FNBP1L: variants seen among roughly 807,000 people sequenced by gnomAD.
FNBP1L encodes formin binding protein 1 like.
FNBP1L carries 36 observed loss-of-function variants against 91.2 expected under a neutral mutation model. The ratio of observed to expected loss-of-function variants is 0.39; its 90% CI spans 0.30 to 0.52. The LOEUF is 0.52. FNBP1L is among the 20% of genes least tolerant of loss of function. The probability of loss-of-function intolerance (pLI) is 0.66; values close to 1 mark genes in which losing one functional copy is unlikely to be tolerated. For synonymous variants in FNBP1L, 242 were observed against 237.0 expected (o/e 1.02, Z -0.19); for missense variants, 571 against 732.1 (o/e 0.78, Z 2.54).
At chr1:93,451,481 C>T (rs1282450245) in intron 1 of FNBP1L, among the ~76,000 whole-genome samples, 2 of 151,980 alleles carry the variant, frequency 1.3e-5, no homozygotes, top group African/African-American at 4.8e-5. Flanking sequence ...ATTTGCTACC[C>T]AAGGAAAATG....
chr1:93,515,924 A>G lies in FNBP1L; in HGVS notation c.141-6158A>G, dbSNP rs188244496. Among the ~76,000 whole-genome samples the G allele has an allele frequency of 9.6e-4, 146 of 152,276 alleles. 1 individual carries two copies. The highest frequency in any genetic ancestry group is 1.2e-3 in the Admixed American group (18 of 15,304). On this transcript the variant is annotated intron_variant, in intron 2 of 16. Coordinates refer to ENST00000271234, the MANE Select transcript of FNBP1L (RefSeq NM_001164473.3). ...AAACTTAAGGTATAATAATAATAAT[A>G]AAAAGAGATTTTAAAAATTACCATA...
At position 93,544,233 on chromosome 1, in the gene FNBP1L, T is replaced by C; in HGVS notation, c.1274+17T>C. 1 of 1,556,760 alleles carries C rather than the reference T, an allele frequency of 6.4e-7. No homozygotes were observed. Among genetic ancestry groups the C allele is most frequent in the South Asian group, 1.1e-5 (1 of 87,046 alleles). The stretch of plus-strand genomic sequence containing the variant: ...AGACCAAAAGTATTATTCCTTTAAG[T>C]TTTCTCTATCATTATTATTTTAGGA... On this transcript the variant is annotated intron_variant, in intron 12 of 16. Transcript: ENST00000271234.
At chr1:93,499,728 T>G in intron 2 of FNBP1L, 145 bp downstream of exon 2, 1 of 586,520 alleles carries the variant, frequency 1.7e-6, no homozygotes, top group Admixed American at 3.3e-5. Context: ...TTTTAATGAT[T>G]AATTAAGTCA....
chr1:93,459,984 G>C (rs1344185357), intron 1 of FNBP1L, among the ~76,000 whole-genome samples: 1 of 87,434 alleles, frequency 1.1e-5, no homozygotes, highest in South Asian at 4.2e-4. Flanking sequence ...TGTGTTTTTG[G>C]GATATTGAAA....
chr1:93,502,380 A>G (rs963526396), intron 2 of FNBP1L, among the ~76,000 whole-genome samples: 6 of 151,876 alleles, frequency 4.0e-5, no homozygotes, highest in Non-Finnish European at 7.4e-5. Flanking sequence ...CACAAATTAT[A>G]AAATAAAAAT....
Position 93,484,539 on chromosome 1 carries a change from C to T in FNBP1L, c.25-14929C>T, listed in dbSNP as rs74725682. 2.1e-3 allele frequency among the ~76,000 whole-genome samples: 313 copies of T among 152,240 alleles called. 9 individuals carry two copies. In the East Asian group the frequency reaches 0.059, roughly 29 times the overall value. ...TAGTTCTGTTCTTGAATCCCCTGTT[C>T]GCTAATTATGTTCTCTGATGTCAGG... On this transcript the variant is annotated intron_variant, in intron 1 of 16. Transcript: ENST00000271234.
intron 7 of FNBP1L, among the ~76,000 whole-genome samples, chr1:93,531,170 G>C (rs1044720133): frequency 3.9e-5 from 6 of 152,158 alleles, no homozygotes; most frequent in Non-Finnish European, 8.8e-5. Flanking sequence ...AGAATTAATT[G>C]AATTTGTATA....
At chr1:93,448,975 C>G (rs1298679860) in intron 1 of FNBP1L, among the ~76,000 whole-genome samples, 1 of 152,216 alleles carries the variant, frequency 6.6e-6, no homozygotes, top group Non-Finnish European at 1.5e-5. Flanking sequence ...CCGGCTGCAG[C>G]CTTTGGGCTG....
chr1:93,518,335 G>A (rs1260252328), intron 2 of FNBP1L, among the ~76,000 whole-genome samples: 1 of 152,058 alleles, frequency 6.6e-6, no homozygotes, highest in Non-Finnish European at 1.5e-5. Flanking sequence ...AAGATATTAC[G>A]GTAGCTTCCA....
chr1:93,544,427 A>T lies in FNBP1L; in HGVS notation c.1274+211A>T, dbSNP rs1672148306. Among the ~76,000 whole-genome samples, 6 of 152,198 alleles carry T rather than the reference A, an allele frequency of 3.9e-5. No individual in the cohort carries two copies. The South Asian group carries it at 1.2e-3, about 32-fold the overall frequency. ...GGTTGCAGATTTTTATTGAATGCTA[A>T]TATGCCTTCATTAATTTGCAAAAAA... On this transcript the variant is annotated intron_variant, in intron 12 of 16. Coordinates refer to ENST00000271234, the MANE Select transcript of FNBP1L (RefSeq NM_001164473.3).
intron 11 of FNBP1L, 171 bp from the exon 12 acceptor site, chr1:93,543,936 T>C (rs930915695): frequency 4.9e-6 from 2 of 405,558 alleles, no homozygotes; most frequent in East Asian, 3.9e-5. Flanking sequence ...CATTAACATA[T>C]ACGCATAAAC....
At chr1:93,471,142 A>G (rs775606056) in intron 1 of FNBP1L, among the ~76,000 whole-genome samples, 3 of 152,168 alleles carry the variant, frequency 2.0e-5, no homozygotes, top group Non-Finnish European at 4.4e-5. Context: ...GAAGATTTTA[A>G]TATTTTGGAT....
chr1:93,515,148 A>T (rs1671039229), intron 2 of FNBP1L, among the ~76,000 whole-genome samples: 1 of 152,266 alleles, frequency 6.6e-6, no homozygotes, highest in Admixed American at 6.5e-5. Context: ...TATGCAGCCA[A>T]AAAACACATG....
intron 1 of FNBP1L, among the ~76,000 whole-genome samples, chr1:93,474,043 A>T (rs189674177): frequency 1.4e-3 from 213 of 152,240 alleles, no homozygotes; most frequent in Non-Finnish European, 2.8e-3. Context: ...TCAGGAGTTC[A>T]AGACCAACCT....
chr1:93,534,967 TG>T (rs1671797482), intron 9 of FNBP1L, 59 bp downstream of exon 9: 1 of 1,371,954 alleles, frequency 7.3e-7, no homozygotes, highest in Admixed American at 2.2e-5. Flanking sequence ...TAAAACAATG[TG>T]GGTATTGAAT....
chr1:93,481,127 C>T (rs576488798), intron 1 of FNBP1L, among the ~76,000 whole-genome samples: 1 of 152,298 alleles, frequency 6.6e-6, no homozygotes, highest in East Asian at 1.9e-4. Flanking sequence ...GAAACTTCCC[C>T]CCTTTTGATG....
intron 2 of FNBP1L, among the ~76,000 whole-genome samples, chr1:93,500,492 G>A (rs1670409892): frequency 6.6e-6 from 1 of 151,214 alleles, no homozygotes; most frequent in Non-Finnish European, 1.5e-5. Context: ...GGGAATGGAA[G>A]AAGAGGAAGA....
chr1:93,548,005 A>C (rs1335103434), intron 14 of FNBP1L, among the ~76,000 whole-genome samples: 4 of 152,178 alleles, frequency 2.6e-5, no homozygotes, highest in Non-Finnish European at 5.9e-5. Flanking sequence ...ATTACAGTGT[A>C]ATCTGAGCAA....
At chr1:93,540,010 T>C (rs1671979871) in intron 10 of FNBP1L, among the ~76,000 whole-genome samples, 1 of 152,134 alleles carries the variant, frequency 6.6e-6, no homozygotes, top group Admixed American at 6.5e-5. Context: ...AGCTCACTAA[T>C]TGAGATGAAT....
Sources: gnomAD v4.1 joint callset for allele counts (sites outside exome capture counted in the v4.1 genomes callset) on GRCh38, gnomAD v4.1.1 for gene constraint, MANE v1.5 for transcripts, NCBI Gene and HGNC (gene_info 2026-07-23, HGNC 2026-07-21) for gene names.